Variants in NPC1L1 observed in about 807,000 individuals in gnomAD.
NPC1L1 encodes NPC1 like intracellular cholesterol transporter 1, also known as NPC1-like intracellular cholesterol transporter 1.
Under a neutral mutation model 117.0 loss-of-function variants are expected in NPC1L1, and 98 were observed. The observed-to-expected ratio is 0.84, with a 90% CI of 0.71 to 0.99. The LOEUF is 0.99. NPC1L1 is among the 50% of genes least tolerant of loss of function. The pLI, the probability that NPC1L1 is intolerant of heterozygous loss-of-function variation, is 0.00. For synonymous variants in NPC1L1, 729 were observed against 727.6 expected, an observed-to-expected ratio of 1.00 and a Z score of -0.03; for missense variants, 1,540 against 1,710.0, an observed-to-expected ratio of 0.90 and a Z score of 1.75.
At position 44,539,132 on chromosome 7, in the gene NPC1L1, T is replaced by C; in HGVS notation, c.1265A>G (p.Tyr422Cys). The part of the protein sequence containing the change: ...LTAPNRSSYR[Y>C]DSLLLGPKNF... ...CTTGGGCCCCAGCAGCAGAGAGTCA[T>C]ACCTGTAGCTGGACCGGTTAGGAGC... Residue 422 changes from tyrosine to cysteine, a missense_variant, in exon 2 of 19, where the codon TAT becomes TGT. Tyr to Cys is a radical substitution (Grantham distance 194). Coordinates refer to ENST00000381160, the MANE Select transcript of NPC1L1 (RefSeq NM_001101648.2). This position sits in a 1 kb window ranked among gnomAD's most constrained non-coding sequence, Gnocchi z 4.4. 1.9e-6 allele frequency: 3 copies of C among 1,614,126 alleles called. No homozygotes were observed. Among genetic ancestry groups the C allele is most frequent in the South Asian group, 1.1e-5 (1 of 91,078 alleles).
At chr7:44,531,938 T>C in intron 9 of NPC1L1, 94 bp from the exon 10 acceptor site, 2 of 1,523,810 alleles carry the variant, frequency 1.3e-6, no homozygotes, top group African/African-American at 2.8e-5. Context: ...ATGGGCAACA[T>C]TCTGGAGTTG....
chr7:44,523,650 A>C (rs1195947343), intron 10 of NPC1L1, among the ~76,000 whole-genome samples: 1 of 152,106 alleles, frequency 6.6e-6, no homozygotes, highest in Non-Finnish European at 1.5e-5. Context: ...GGGTCACTTG[A>C]GCCCAAGAGT....
rs748350539 is a variant in NPC1L1, at chr7:44,513,481, C to T, written c.3965G>A (p.Ser1322Asn). The T allele has an allele frequency of 6.2e-7, 1 of 1,614,210 alleles. No homozygotes were observed. Among genetic ancestry groups the T allele is most frequent in the Admixed American group, 1.7e-5 (1 of 60,032 alleles). ...EGSIKGAGAISNFLPNNGRQF is the reference protein window; with the variant it reads ...EGSIKGAGAINNFLPNNGRQF ...CCGCCCATTGTTGGGCAAGAAGTTGCTGATGGCACCAGCACCTTTGATAGA... is the reference window on the plus strand; with the variant it reads ...CCGCCCATTGTTGGGCAAGAAGTTGTTGATGGCACCAGCACCTTTGATAGA... Residue 1322 changes from serine (S) to asparagine (N), a missense_variant, in exon 19 of 19, where the codon AGC (serine) becomes AAC (asparagine). By Grantham distance (46) the Ser-to-Asn change is conservative. Around this residue, in one of 3 missense-constraint regions of NPC1L1, gnomAD observed 742 missense variants for 873.6 expected, o/e 0.85. Coordinates refer to ENST00000381160, the MANE Select transcript of NPC1L1 (RefSeq NM_001101648.2).
At chr7:44,523,129 C>T (rs1165242058) in intron 10 of NPC1L1, among the ~76,000 whole-genome samples, 1 of 152,180 alleles carries the variant, frequency 6.6e-6, no homozygotes, top group East Asian at 1.9e-4. Flanking sequence ...GATCTCTGCT[C>T]ACTGCAACCT....
intron 10 of NPC1L1, among the ~76,000 whole-genome samples, chr7:44,529,181 G>A (rs1801621418): frequency 6.8e-6 from 1 of 146,282 alleles, no homozygotes; most frequent in South Asian, 2.2e-4. Context: ...GATTGTGAGA[G>A]TCAGCATACT....
chr7:44,520,623 G>A (rs1308160822), intron 14 of NPC1L1, 142 bp downstream of exon 14: 4 of 774,608 alleles, frequency 5.2e-6, no homozygotes, highest in Non-Finnish European at 9.2e-6. Context: ...TGGGAAACAA[G>A]ACCCCTGCTG....
Position 44,515,855 on chromosome 7 carries a change from C to T in NPC1L1, c.3744G>A (p.Leu1248=). 1 of 1,614,170 alleles carries T rather than the reference C, an allele frequency of 6.2e-7. No homozygotes were observed. The highest frequency in any genetic ancestry group is 8.5e-7 in the Non-Finnish European group (1 of 1,180,038). Residue 1248 remains leucine, a synonymous_variant, in exon 18 of 19, where the codon CTG becomes CTA. Transcript: ENST00000381160. The part of the protein sequence containing the change: ...FFFRLNLLIT[L]LGLLHGLVFL... ...AGACCAAGCCATGCAGCAGGCCCAGCAGAGTGATCAGGAGGTTGAGGCGGA... is the reference window on the plus strand; with the variant it reads ...AGACCAAGCCATGCAGCAGGCCCAGTAGAGTGATCAGGAGGTTGAGGCGGA...
At chr7:44,527,128 A>G (rs1801541101) in intron 10 of NPC1L1, among the ~76,000 whole-genome samples, 1 of 152,188 alleles carries the variant, frequency 6.6e-6, no homozygotes, top group Non-Finnish European at 1.5e-5. Flanking sequence ...CTTCCCTGAA[A>G]GAAATGCTAA....
At chr7:44,516,288 G>A in intron 16 of NPC1L1, 91 bp from the exon 17 acceptor site, 1 of 1,087,528 alleles carries the variant, frequency 9.2e-7, no homozygotes, top group African/African-American at 1.6e-5. Flanking sequence ...GCGTGGGGCA[G>A]GCATCTAGAT....
Position 44,533,825 on chromosome 7 carries a change from C to T in NPC1L1, c.2195G>A (p.Arg732Gln), listed in dbSNP as rs201972200. ...QRLPRRPGEP[R>Q]EVHIGRALGR... ...TAGGGCTCGCCCAATGTGGACCTCT[C>T]GTGGCTCCCCAGGCCTCCGGGGCAG... Residue 732 changes from arginine (R) to glutamine (Q), a missense_variant, in exon 7 of 19, where the codon CGA (arginine) becomes CAA (glutamine). This residue lies in a region of NPC1L1 where 742 missense variants were observed against 873.6 expected (regional missense o/e 0.85). Coordinates refer to ENST00000381160, the MANE Select transcript of NPC1L1 (RefSeq NM_001101648.2). The T allele has an allele frequency of 1.2e-5, 19 of 1,612,616 alleles. No individual in the cohort carries two copies. Among genetic ancestry groups the T allele is most frequent in the Middle Eastern group, 1.6e-4 (1 of 6,082 alleles).
At position 44,516,114 on chromosome 7, in the gene NPC1L1, G is replaced by C; in HGVS notation, c.3603C>G (p.Ala1201=). 1 of 1,612,788 alleles carries C rather than the reference G, an allele frequency of 6.2e-7. No individual in the cohort carries two copies. Among genetic ancestry groups the C allele is most frequent in the East Asian group, 2.2e-5 (1 of 44,864 alleles). The part of the protein sequence containing the change: ...ISTKPTWLER[A]KEATISMGSA... ...TTCCCATAGAGATGGTGGCCTCTTTGGCCCTCTCCAGCCAGGTGGGCTTGG... is the reference window on the plus strand; with the variant it reads ...TTCCCATAGAGATGGTGGCCTCTTTCGCCCTCTCCAGCCAGGTGGGCTTGG... The change falls in exon 17 of 19, where the codon GCC becomes GCG. Residue 1201 remains alanine (A), a synonymous_variant. Coordinates refer to ENST00000381160, the MANE Select transcript of NPC1L1 (RefSeq NM_001101648.2).
chr7:44,513,557 A>T lies in NPC1L1; in HGVS notation c.3889T>A (p.Ser1297Thr). The T allele has an allele frequency of 6.2e-7, 1 of 1,613,906 alleles. No homozygotes were observed. The highest frequency in any genetic ancestry group is 1.3e-5 in the African/African-American group (1 of 74,980). Residue 1297 changes from serine to threonine, a missense_variant, in exon 19 of 19, where the codon TCC (serine) becomes ACC (threonine). Physicochemically the swap from Ser to Thr is moderately conservative, Grantham distance 58. This residue lies in a region of NPC1L1 where 742 missense variants were observed against 873.6 expected (regional missense o/e 0.85). Transcript: ENST00000381160. ...ATGTTGTCAGCTGTGGAGACTCGGG[A>T]GGGGTGATTTGGGCAAGAGGCCACC... ...VMVASCPNHP[S>T]RVSTADNIYV...
Position 44,539,638 on chromosome 7 carries a change from G to C in NPC1L1, c.759C>G (p.Thr253=), listed in dbSNP as rs1802020381. 6 of 1,613,866 alleles carry C rather than the reference G, an allele frequency of 3.7e-6. No individual in the cohort carries two copies. The East Asian group carries it at 1.3e-4, about 36-fold the overall frequency. The change falls in exon 2 of 19, where the codon ACC becomes ACG. Residue 253 remains threonine (T), a synonymous_variant. Transcript: ENST00000381160. The surrounding 1 kb of genome is among the most constrained non-coding windows in gnomAD (Gnocchi z 4.4). ...ATGCAGCACAGTCTTGGCAGGAGCA[G>C]GTCGCCACGTCGTCACCTTGGGACT... The part of the protein sequence containing the change: ...CNESQGDDVA[T]CSCQDCAASC...
At position 44,534,419 on chromosome 7, in the gene NPC1L1, G is replaced by T. The variant is rs182586082; in HGVS notation, c.2166+28C>A. On this transcript the variant is annotated intron_variant, in intron 6 of 18. Coordinates refer to ENST00000381160, the MANE Select transcript of NPC1L1 (RefSeq NM_001101648.2). The surrounding 1 kb of genome is among the most constrained non-coding windows in gnomAD (Gnocchi z 5.2). ...AGGTTGGGAGAAGAGTGGGCAGTTG[G>T]GGGTGTGGAGAGCTCCTCCCTTCTT... 11 of 1,612,618 alleles carry T rather than the reference G, an allele frequency of 6.8e-6. No homozygotes were observed. The African/African-American group carries it at 1.2e-4, about 18-fold the overall frequency.
chr7:44,516,634 G>A, intron 16 of NPC1L1, 69 bp downstream of exon 16: 1 of 1,229,856 alleles, frequency 8.1e-7, no homozygotes, highest in Non-Finnish European at 1.2e-6. Context: ...AGAACTAGGA[G>A]TATTCTATGA....
intron 14 of NPC1L1, among the ~76,000 whole-genome samples, chr7:44,518,287 A>C (rs1801250240): frequency 6.6e-6 from 1 of 150,510 alleles, no homozygotes. Context: ...GTCCTGCCTC[A>C]GCCTCCCAAG....
chr7:44,537,001 G>T (rs1801920572), intron 2 of NPC1L1, 59 bp from the exon 3 acceptor site: 2 of 1,433,998 alleles, frequency 1.4e-6, no homozygotes, highest in African/African-American at 1.4e-5. Context: ...AGTCCCTATG[G>T]CCCCTCCCTT....
In NPC1L1 at chr7:44,539,767, G is replaced by A. The variant is rs759111600; in HGVS notation, c.630C>T (p.Gly210=). Residue 210 remains glycine (G), a synonymous_variant, in exon 2 of 19, where the codon GGC becomes GGT. Coordinates refer to ENST00000381160, the MANE Select transcript of NPC1L1 (RefSeq NM_001101648.2). The surrounding 1 kb of genome is among the most constrained non-coding windows in gnomAD (Gnocchi z 4.4). The part of the protein sequence containing the change: ...QRWLNFQGDT[G]NGLAPLDITF... ...TGATGTCCAGTGGGGCCAGACCATT[G>A]CCTGTGTCTCCCTGGAAGTTGAGCC... The A allele has an allele frequency of 1.2e-6, 2 of 1,614,184 alleles. No homozygotes were observed. The highest frequency in any genetic ancestry group is 1.7e-6 in the Non-Finnish European group (2 of 1,180,046).
In NPC1L1 at chr7:44,538,766, C is replaced by A. The variant is rs533122231; in HGVS notation, c.1580+51G>T. On this transcript the variant is annotated intron_variant, in intron 2 of 18. Transcript: ENST00000381160. This position sits in a 1 kb window ranked among gnomAD's most constrained non-coding sequence, Gnocchi z 5.9. ...CCAGGTTCCCAGGAGGCCATGGCAG[C>A]CCAGCCCCAGCCCCAGCCCACTCCT... 1.1e-5 allele frequency: 18 copies of A among 1,588,180 alleles called. No homozygotes were observed. In the Middle Eastern group the frequency reaches 1.3e-3, roughly 117 times the overall value.
Sources: gnomAD v4.1 joint callset for allele counts (sites outside exome capture counted in the v4.1 genomes callset) on GRCh38, gnomAD v4.1.1 for gene constraint, gnomAD v4.1.1 regional missense constraint, Gnocchi (gnomAD v3.1) non-coding constraint, MANE v1.5 for transcripts, NCBI Gene and HGNC (gene_info 2026-07-23, HGNC 2026-07-21) for gene names.